INPP4A: variants seen among roughly 807,000 people sequenced by gnomAD.
The protein encoded by INPP4A is inositol polyphosphate-4-phosphatase, type I, 107kD.
Under a neutral mutation model 119.8 loss-of-function variants are expected in INPP4A, and 33 were observed. That is an observed-to-expected ratio of 0.28 (90% CI 0.21 to 0.37). The LOEUF is 0.37. Ranked by LOEUF, INPP4A falls within the 10% of genes least tolerant of loss-of-function variation. The pLI is 1.00. For missense variants in INPP4A, 956 were observed against 1,289.9 expected, an observed-to-expected ratio of 0.74 and a Z score of 3.97; for synonymous variants, 496 against 500.7, an observed-to-expected ratio of 0.99 and a Z score of 0.12.
chr2:98,450,798 C>CT (rs1307475558), intron 1 of INPP4A, among the ~76,000 whole-genome samples: 1 of 152,160 alleles, frequency 6.6e-6, no homozygotes, highest in Non-Finnish European at 1.5e-5. Context: ...GAGTCTCACT[C>CT]TGTCGCCTAG....
chr2:98,540,742 C>T (rs1691267128), intron 10 of INPP4A, among the ~76,000 whole-genome samples: 1 of 152,168 alleles, frequency 6.6e-6, no homozygotes, highest in Non-Finnish European at 1.5e-5. Flanking sequence ...AATAACCAAC[C>T]CATTCCCATG....
In INPP4A at chr2:98,546,095, C is replaced by G; in HGVS notation, c.1054+22C>G. On this transcript the variant is annotated intron_variant, in intron 12 of 24. Transcript: ENST00000409851. The surrounding 1 kb of genome is among the most constrained non-coding windows in gnomAD (Gnocchi z 4.2). ...TCAGGTACCTATTTTTCTGCTCCCT[C>G]TTGTTGAATCACATTTCGCTGCTTT... The G allele has an allele frequency of 6.7e-7, 1 of 1,485,728 alleles. No homozygotes were observed. The highest frequency in any genetic ancestry group is 9.2e-7 in the Non-Finnish European group (1 of 1,085,072). The allele number at this position is 1,485,728 out of a possible 1,614,324, so 92.0% of individuals were successfully genotyped here.
intron 1 of INPP4A, among the ~76,000 whole-genome samples, chr2:98,451,066 C>T (rs1055903631): frequency 2.6e-5 from 4 of 152,206 alleles, no homozygotes; most frequent in African/African-American, 9.6e-5. Context: ...CCACTGCACC[C>T]GGCCTTAGCT....
intron 1 of INPP4A, among the ~76,000 whole-genome samples, chr2:98,513,378 A>C (rs1473061801): frequency 6.6e-6 from 1 of 152,202 alleles, no homozygotes; most frequent in African/African-American, 2.4e-5. Context: ...TCTTCTTCTC[A>C]TACCTGTTTT....
At chr2:98,512,510 G>T (rs962364871) in intron 1 of INPP4A, among the ~76,000 whole-genome samples, 1 of 152,226 alleles carries the variant, frequency 6.6e-6, no homozygotes, top group Non-Finnish European at 1.5e-5. Context: ...CCTGGAGCAT[G>T]GTGCCCGCAT....
chr2:98,449,199 C>T (rs1001440232), intron 1 of INPP4A, among the ~76,000 whole-genome samples: 2 of 152,308 alleles, frequency 1.3e-5, no homozygotes. Context: ...ACTGCTCATA[C>T]AATTAACTGA....
At chr2:98,500,657 T>C (rs1001697601) in intron 1 of INPP4A, among the ~76,000 whole-genome samples, 7 of 151,922 alleles carry the variant, frequency 4.6e-5, no homozygotes, top group Non-Finnish European at 7.4e-5. Context: ...AGAGGAAACA[T>C]TGAGAGTAAA....
At chr2:98,460,951 G>C (rs1697035964) in intron 1 of INPP4A, among the ~76,000 whole-genome samples, 1 of 152,184 alleles carries the variant, frequency 6.6e-6, no homozygotes, top group Non-Finnish European at 1.5e-5. Flanking sequence ...CAGAAATGCT[G>C]GTTTCTAGAA....
chr2:98,466,384 T>G (rs1317341343), intron 1 of INPP4A, among the ~76,000 whole-genome samples: 1 of 152,226 alleles, frequency 6.6e-6, no homozygotes, highest in Non-Finnish European at 1.5e-5. Context: ...GAGCACTCAC[T>G]GTGCACCAGC....
chr2:98,578,191 G>A (rs1419279061), intron 24 of INPP4A, among the ~76,000 whole-genome samples: 2 of 152,278 alleles, frequency 1.3e-5, no homozygotes, highest in South Asian at 2.1e-4. Flanking sequence ...GCTCTGGGGC[G>A]CCTTTTTAAA....
chr2:98,584,820 C>G (rs1271254647), intron 24 of INPP4A, among the ~76,000 whole-genome samples: 1 of 152,236 alleles, frequency 6.6e-6, no homozygotes, highest in Non-Finnish European at 1.5e-5. Context: ...TCCCTTTATG[C>G]TGAATTTTAA....
At chr2:98,483,741 C>T (rs904474362) in intron 1 of INPP4A, among the ~76,000 whole-genome samples, 1 of 152,182 alleles carries the variant, frequency 6.6e-6, no homozygotes, top group Non-Finnish European at 1.5e-5. Context: ...TGTCCCTACC[C>T]CACCTTCCTG....
intron 1 of INPP4A, among the ~76,000 whole-genome samples, chr2:98,450,846 A>G (rs1695099075): frequency 6.6e-6 from 1 of 152,004 alleles, no homozygotes; most frequent in Admixed American, 6.5e-5. Context: ...ACCTCGGCTC[A>G]CTGCAACCTC....
chr2:98,568,433 A>G (rs571483716), intron 21 of INPP4A, 138 bp from the exon 22 acceptor site: 12 of 619,386 alleles, frequency 1.9e-5, no homozygotes, highest in South Asian at 1.6e-4. Context: ...TATGCTCGGA[A>G]GAGGGAGAGT....
At chr2:98,525,258 AG>A (rs1424861895) in intron 4 of INPP4A, among the ~76,000 whole-genome samples, 1 of 152,164 alleles carries the variant, frequency 6.6e-6, no homozygotes, top group Non-Finnish European at 1.5e-5. Flanking sequence ...TGGCAGTGGC[AG>A]GTCTAGTGCC....
chr2:98,564,912 A>G, intron 19 of INPP4A, 149 bp downstream of exon 19: 1 of 967,696 alleles, frequency 1.0e-6, no homozygotes, highest in South Asian at 1.7e-5. Flanking sequence ...CAGACCTGGC[A>G]GTTACACACG....
chr2:98,545,695 TC>T (rs1692351311), intron 11 of INPP4A, among the ~76,000 whole-genome samples: 1 of 152,084 alleles, frequency 6.6e-6, no homozygotes, highest in South Asian at 2.1e-4. Flanking sequence ...AGGCGCAGCA[TC>T]GTTACCATAG....
chr2:98,561,215 C>T (rs1695414038), intron 17 of INPP4A, among the ~76,000 whole-genome samples: 1 of 152,170 alleles, frequency 6.6e-6, no homozygotes, highest in Non-Finnish European at 1.5e-5. Flanking sequence ...GCGAACATTA[C>T]GGGTTAGGAA....
At chr2:98,516,071 C>T (rs1205523195) in intron 1 of INPP4A, among the ~76,000 whole-genome samples, 1 of 152,192 alleles carries the variant, frequency 6.6e-6, no homozygotes, top group Non-Finnish European at 1.5e-5. Context: ...GTCTCCTCTT[C>T]TGCTTAAGTG....
Sources: gnomAD v4.1 joint callset for allele counts (sites outside exome capture counted in the v4.1 genomes callset) on GRCh38, gnomAD v4.1.1 for gene constraint, Gnocchi (gnomAD v3.1) non-coding constraint, MANE v1.5 for transcripts, NCBI Gene and HGNC (gene_info 2026-07-23, HGNC 2026-07-21) for gene names.